Variants in FSTL5 observed in about 807,000 individuals in gnomAD.
The protein encoded by FSTL5 is follistatin like 5, also known as follistatin-related protein 5.
In FSTL5, 62 loss-of-function variants were observed where a neutral mutation model predicts 89.1. The ratio of observed to expected loss-of-function variants is 0.70; its 90% CI spans 0.57 to 0.86. The LOEUF is 0.86. FSTL5 is among the 40% of genes least tolerant of loss of function. The probability of loss-of-function intolerance (pLI) is 0.00; values close to 1 mark genes in which losing one functional copy is unlikely to be tolerated. For missense variants in FSTL5, 1,057 were observed against 1,001.6 expected, an observed-to-expected ratio of 1.06 and a Z score of -0.75; for synonymous variants, 383 against 346.2, an observed-to-expected ratio of 1.11 and a Z score of -1.18.
At chr4:161,564,232 C>CAT (rs1732718798) in intron 8 of FSTL5, among the ~76,000 whole-genome samples, 1 of 150,848 alleles carries the variant, frequency 6.6e-6, no homozygotes. Flanking sequence ...TGCATGTGTA[C>CAT]ATATATATGT....
intron 4 of FSTL5, among the ~76,000 whole-genome samples, chr4:161,877,325 T>C (rs1251562430): frequency 1.3e-5 from 2 of 150,878 alleles, no homozygotes; most frequent in Non-Finnish European, 3.0e-5. Context: ...ACTATGATAA[T>C]ATAATATGTT....
At chr4:162,086,227 T>A (rs1345924767) in intron 2 of FSTL5, among the ~76,000 whole-genome samples, 1 of 152,054 alleles carries the variant, frequency 6.6e-6, no homozygotes, top group African/African-American at 2.4e-5. Flanking sequence ...AAATACACTC[T>A]CTGAATGTCT....
intron 3 of FSTL5, among the ~76,000 whole-genome samples, chr4:161,945,665 T>C (rs1734714774): frequency 1.3e-5 from 2 of 152,246 alleles, no homozygotes; most frequent in Admixed American, 1.3e-4. Context: ...GACAGGAGAA[T>C]TGCTTGAACC....
At chr4:161,787,157 C>T (rs987264574) in intron 4 of FSTL5, among the ~76,000 whole-genome samples, 2 of 152,004 alleles carry the variant, frequency 1.3e-5, no homozygotes, top group Admixed American at 6.6e-5. Context: ...TTCAATATAT[C>T]TTCAGTGGAT....
rs1167025254 is a variant in FSTL5, at chr4:161,852,167, T to C, written c.409+68237A>G. 4.3e-5 allele frequency among the ~76,000 whole-genome samples: 4 copies of C among 93,812 alleles called. No individual in the cohort carries two copies. The Admixed American group carries it at 5.6e-4, about 13-fold the overall frequency. The allele number at this position is 93,812 out of a possible 152,430, so 61.5% of individuals were successfully genotyped here. ...ACTAATTGAATACACTCTTTCAACATAGGTAGATATAAAATATATATATAT... is the reference window on the plus strand; with the variant it reads ...ACTAATTGAATACACTCTTTCAACACAGGTAGATATAAAATATATATATAT... On this transcript the variant is annotated intron_variant, in intron 4 of 15. Coordinates refer to ENST00000306100, the MANE Select transcript of FSTL5 (RefSeq NM_020116.5).
intron 4 of FSTL5, among the ~76,000 whole-genome samples, chr4:161,834,500 G>C (rs1253175900): frequency 1.3e-5 from 2 of 152,158 alleles, no homozygotes; most frequent in Admixed American, 6.5e-5. Context: ...CAGGAAAAGA[G>C]GAAGTCAAAT....
chr4:162,148,545 A>C (rs988491343), intron 1 of FSTL5, among the ~76,000 whole-genome samples: 1 of 152,158 alleles, frequency 6.6e-6, no homozygotes, highest in Non-Finnish European at 1.5e-5. Flanking sequence ...TATTAATTTA[A>C]TTAGAAGTTT....
intron 4 of FSTL5, among the ~76,000 whole-genome samples, chr4:161,874,742 T>C (rs981960710): frequency 1.3e-5 from 2 of 152,216 alleles, no homozygotes; most frequent in South Asian, 2.1e-4. Context: ...AACTTTTTTG[T>C]AATATTAATT....
At chr4:162,140,420 T>C (rs1579058681) in intron 1 of FSTL5, among the ~76,000 whole-genome samples, 1 of 139,994 alleles carries the variant, frequency 7.1e-6, no homozygotes, top group Non-Finnish European at 1.6e-5. Flanking sequence ...TTTTTAACTA[T>C]TGAATCTTTA....
intron 3 of FSTL5, among the ~76,000 whole-genome samples, chr4:161,985,897 T>C (rs971653187): frequency 6.6e-6 from 1 of 152,180 alleles, no homozygotes; most frequent in Non-Finnish European, 1.5e-5. Flanking sequence ...ATTGCATTCC[T>C]TGAAATGTGG....
At chr4:162,040,797 C>T (rs1297612865) in intron 2 of FSTL5, among the ~76,000 whole-genome samples, 1 of 151,756 alleles carries the variant, frequency 6.6e-6, no homozygotes, top group Non-Finnish European at 1.5e-5. Context: ...CTATCTAAAT[C>T]AGCACCCCCA....
intron 4 of FSTL5, among the ~76,000 whole-genome samples, chr4:161,850,562 T>A (rs1051957086): frequency 6.6e-6 from 1 of 151,558 alleles, no homozygotes; most frequent in African/African-American, 2.4e-5. Flanking sequence ...AGAATCATGT[T>A]TCTGGCCCAG....
chr4:161,586,016 C>T (rs930385052), intron 8 of FSTL5, among the ~76,000 whole-genome samples: 2 of 152,188 alleles, frequency 1.3e-5, no homozygotes, highest in Non-Finnish European at 2.9e-5. Context: ...TAGATCTGCT[C>T]CCCTGGAGCG....
chr4:161,787,701 T>C (rs1000699741), intron 4 of FSTL5, among the ~76,000 whole-genome samples: 3 of 152,196 alleles, frequency 2.0e-5, no homozygotes, highest in Non-Finnish European at 4.4e-5. Context: ...TGCAAGGATG[T>C]GTGTTTGAGT....
chr4:161,426,874 G>A lies in FSTL5; in HGVS notation c.1841+28130C>T, dbSNP rs150341363. On this transcript the variant is annotated intron_variant, in intron 15 of 15. Transcript: ENST00000306100. Reference sequence around the variant, plus strand: ...TATCTCAGAGAAAACAACAAAATATGGTTTTCTAAAATACACATATTTTTT... The same window carrying A: ...TATCTCAGAGAAAACAACAAAATATAGTTTTCTAAAATACACATATTTTTT... 2.6e-5 allele frequency among the ~76,000 whole-genome samples: 4 copies of A among 151,972 alleles called. No homozygotes were observed. In the East Asian group the frequency reaches 7.7e-4, roughly 29 times the overall value.
At chr4:161,524,717 T>A (rs1731153346) in intron 10 of FSTL5, among the ~76,000 whole-genome samples, 1 of 152,176 alleles carries the variant, frequency 6.6e-6, no homozygotes, top group Admixed American at 6.6e-5. Flanking sequence ...CCCAGCATTT[T>A]CGGAGGCTGA....
At chr4:161,724,701 CT>C (rs34271204) in intron 6 of FSTL5, among the ~76,000 whole-genome samples, 14 of 152,076 alleles carry the variant, frequency 9.2e-5, no homozygotes, top group Admixed American at 7.9e-4. Flanking sequence ...GCTATAAAAC[CT>C]TTTTAAAGAT....
chr4:161,812,203 A>G (rs1266277499), intron 4 of FSTL5, among the ~76,000 whole-genome samples: 1 of 152,248 alleles, frequency 6.6e-6, no homozygotes, highest in Non-Finnish European at 1.5e-5. Flanking sequence ...TCATTTAAAA[A>G]ATAGTTTCTG....
chr4:161,402,143 A>G (rs1351254585), intron 15 of FSTL5, among the ~76,000 whole-genome samples: 2 of 152,196 alleles, frequency 1.3e-5, no homozygotes, highest in African/African-American at 4.8e-5. Context: ...AACACTTTTA[A>G]TGGAAGCCTG....
Sources: allele counts gnomAD v4.1 joint callset (sites outside exome capture counted in the v4.1 genomes callset), GRCh38; gene constraint gnomAD v4.1.1; transcripts MANE v1.5; gene names NCBI Gene and HGNC (gene_info 2026-07-23, HGNC 2026-07-21).